The following RSPO3 variants were observed in gnomAD, a reference collection of about 807,000 sequenced individuals.
RSPO3 encodes R-spondin 3, also known as R-spondin-3.
In RSPO3, 17 loss-of-function variants were observed where a neutral mutation model predicts 36.5. That is an observed-to-expected ratio of 0.47 (90% CI 0.32 to 0.70). The LOEUF is 0.70. Ranked by LOEUF, RSPO3 falls within the 30% of genes least tolerant of loss-of-function variation. The pLI is 0.04. For missense variants in RSPO3, 294 were observed against 322.5 expected (o/e 0.91, Z 0.68); for synonymous variants, 108 against 107.0 (o/e 1.01, Z -0.06).
intron 1 of RSPO3, among the ~76,000 whole-genome samples, chr6:127,130,234 ATT>A (rs1224121378): frequency 6.6e-6 from 1 of 152,120 alleles, no homozygotes; most frequent in Non-Finnish European, 1.5e-5. Context: ...CTTTGAAACC[ATT>A]GGCTTGGATA....
chr6:127,150,672 T>G (rs2114584716), intron 3 of RSPO3, 100 bp downstream of exon 3: 1 of 1,132,578 alleles, frequency 8.8e-7, no homozygotes, highest in Middle Eastern at 2.1e-4. Context: ...GTTCTTGGGC[T>G]GAGATCTCTT....
chr6:127,145,697 A>C lies in RSPO3; in HGVS notation c.98-2951A>C, dbSNP rs554369627. ...TCTAAGATTAAGTTCAAACACTGAG[A>C]TTCTGTGAAACTTTCCCTACCTCTC... On this transcript the variant is annotated intron_variant, in intron 1 of 4. Coordinates refer to ENST00000356698, the MANE Select transcript of RSPO3 (RefSeq NM_032784.5). Among the ~76,000 whole-genome samples the C allele has an allele frequency of 4.6e-5, 7 of 152,222 alleles. No homozygotes were observed. The East Asian group carries it at 1.4e-3, about 29-fold the overall frequency.
chr6:127,183,259 C>T (rs548354734), intron 4 of RSPO3, among the ~76,000 whole-genome samples: 3 of 152,124 alleles, frequency 2.0e-5, no homozygotes, highest in Admixed American at 1.3e-4. Context: ...TTCCTAATGC[C>T]ATTTCTTGAA....
intron 4 of RSPO3, among the ~76,000 whole-genome samples, chr6:127,181,419 G>A (rs1775184471): frequency 6.6e-6 from 1 of 151,836 alleles, no homozygotes; most frequent in Non-Finnish European, 1.5e-5. Flanking sequence ...TCATTTGTGA[G>A]GTTATTCAGT....
intron 4 of RSPO3, among the ~76,000 whole-genome samples, chr6:127,185,808 A>G (rs1775283085): frequency 6.6e-6 from 1 of 152,130 alleles, no homozygotes; most frequent in Non-Finnish European, 1.5e-5. Context: ...AGAGTAGAAT[A>G]CTATCAAGAT....
intron 4 of RSPO3, among the ~76,000 whole-genome samples, chr6:127,155,959 G>A (rs1304589818): frequency 6.6e-6 from 1 of 151,814 alleles, no homozygotes; most frequent in Non-Finnish European, 1.5e-5. Context: ...CTGTATTGTA[G>A]TGGTGCCATC....
chr6:127,164,406 G>T (rs9491702), intron 4 of RSPO3, among the ~76,000 whole-genome samples: 70,269 of 151,874 alleles, frequency 0.46, 16,503 homozygotes, highest in East Asian at 0.53. Context: ...TTCAATACTG[G>T]TTTTGAAAAT....
In RSPO3 at chr6:127,197,633, T is replaced by A; in HGVS notation, c.*1626T>A. On this transcript the variant is annotated 3_prime_UTR_variant, in exon 5 of 5. Transcript: ENST00000356698. ...TCACTGCTTTCTGAAGAATTTGCAA[T>A]GACTCTGGCTTCTGGCTGCTTATCT... 1 of 1,380,922 alleles carries A rather than the reference T, an allele frequency of 7.2e-7. No homozygotes were observed. Among genetic ancestry groups the A allele is most frequent in the Admixed American group, 2.5e-5 (1 of 40,718 alleles). 85.5% of individuals were successfully genotyped at this position (1,380,922 alleles called of 1,614,324 possible). A position where few individuals can be genotyped will look rare whatever the true frequency, so the allele number is the denominator to read the frequency against.
chr6:127,177,781 T>A (rs972877998), intron 4 of RSPO3, among the ~76,000 whole-genome samples: 9 of 151,782 alleles, frequency 5.9e-5, no homozygotes, highest in African/African-American at 2.2e-4. Context: ...TTTTTTTTTT[T>A]ATGAATGTGT....
chr6:127,161,721 T>C (rs1774714278), intron 4 of RSPO3, among the ~76,000 whole-genome samples: 1 of 152,160 alleles, frequency 6.6e-6, no homozygotes, highest in Non-Finnish European at 1.5e-5. Flanking sequence ...GCCTATATTC[T>C]CTGAGATTTC....
rs922986030 is a variant in RSPO3, at chr6:127,197,300, T to C, written c.*1293T>C. The C allele has an allele frequency of 1.3e-5, 16 of 1,229,530 alleles. No homozygotes were observed. The African/African-American group carries it at 1.7e-4, about 13-fold the overall frequency. The allele number at this position is 1,229,530 out of a possible 1,614,324, so 76.2% of individuals were successfully genotyped here. On this transcript the variant is annotated 3_prime_UTR_variant, in exon 5 of 5. Coordinates refer to ENST00000356698, the MANE Select transcript of RSPO3 (RefSeq NM_032784.5). Reference sequence around the variant, plus strand: ...CTAATTATAGACACATGGGCCTCCCTAGCTGATTTCACTGCTCCCCCTTCA... The same window carrying C: ...CTAATTATAGACACATGGGCCTCCCCAGCTGATTTCACTGCTCCCCCTTCA...
chr6:127,144,553 G>A (rs1459233571), intron 1 of RSPO3, among the ~76,000 whole-genome samples: 1 of 151,608 alleles, frequency 6.6e-6, no homozygotes, highest in African/African-American at 2.4e-5. Context: ...ATTGTTTAAA[G>A]CTGCTTATAA....
intron 3 of RSPO3, among the ~76,000 whole-genome samples, chr6:127,153,232 GTT>G (rs985270594): frequency 1.3e-5 from 2 of 151,930 alleles, no homozygotes; most frequent in African/African-American, 4.8e-5. Flanking sequence ...TGAATATTCT[GTT>G]TTTCCTTAAC....
chr6:127,191,268 G>C (rs537958190), intron 4 of RSPO3, among the ~76,000 whole-genome samples: 6 of 152,280 alleles, frequency 3.9e-5, no homozygotes, highest in African/African-American at 1.4e-4. Flanking sequence ...TAAGTTTTGA[G>C]AGTATATATT....
At chr6:127,180,325 G>A (rs565449404) in intron 4 of RSPO3, among the ~76,000 whole-genome samples, 2 of 151,546 alleles carry the variant, frequency 1.3e-5, no homozygotes, top group East Asian at 3.9e-4. Flanking sequence ...ACATAACCAA[G>A]AGTCAGATTC....
chr6:127,186,397 A>G lies in RSPO3; in HGVS notation c.635-9426A>G, dbSNP rs553362853. Among the ~76,000 whole-genome samples the G allele has an allele frequency of 2.4e-4, 36 of 152,308 alleles. 1 individual carries two copies. In the South Asian group the frequency reaches 4.6e-3, roughly 19 times the overall value. On this transcript the variant is annotated intron_variant, in intron 4 of 4. Coordinates refer to ENST00000356698, the MANE Select transcript of RSPO3 (RefSeq NM_032784.5). ...ATGCTCAGTCATGAGAGGAATATGT[A>G]AAGAGAAAATAGAAATAGAAACCAT... is the stretch of plus-strand genomic sequence containing the variant.
intron 4 of RSPO3, among the ~76,000 whole-genome samples, chr6:127,187,788 C>T (rs1024734531): frequency 6.6e-6 from 1 of 152,000 alleles, no homozygotes; most frequent in Non-Finnish European, 1.5e-5. Flanking sequence ...GAAATAAACC[C>T]ATACAAAAGA....
rs147129806 is a variant in RSPO3, at chr6:127,178,390, G to T, written c.635-17433G>T. 2.2e-4 allele frequency among the ~76,000 whole-genome samples: 34 copies of T among 151,760 alleles called. No individual in the cohort carries two copies. In the East Asian group the frequency reaches 3.3e-3, roughly 15 times the overall value. ...AAATGATTAATATTGGTGCAAAAAT[G>T]GTTTTAGGTATCCCTTCAAAGATTC... is the stretch of plus-strand genomic sequence containing the variant. On this transcript the variant is annotated intron_variant, in intron 4 of 4. Coordinates refer to ENST00000356698, the MANE Select transcript of RSPO3 (RefSeq NM_032784.5).
intron 4 of RSPO3, among the ~76,000 whole-genome samples, chr6:127,194,266 T>G (rs1340087294): frequency 3.9e-5 from 6 of 152,142 alleles, no homozygotes; most frequent in Non-Finnish European, 8.8e-5. Flanking sequence ...AATATTTTGG[T>G]TCTCTCATGC....
Sources: allele counts gnomAD v4.1 joint callset (sites outside exome capture counted in the v4.1 genomes callset), GRCh38; gene constraint gnomAD v4.1.1; transcripts MANE v1.5; gene names NCBI Gene and HGNC (gene_info 2026-07-23, HGNC 2026-07-21).